Variants in NELL1 observed in about 807,000 individuals in gnomAD.
The protein encoded by NELL1 is protein kinase C-binding protein NELL1.
A neutral mutation model predicts 107.4 loss-of-function variants in NELL1; 76 were observed. The observed-to-expected ratio is 0.71, with a 90% confidence interval of 0.59 to 0.86. NELL1 has a LOEUF of 0.86. Among genes scored for constraint, NELL1 ranks in the 40% least tolerant of loss-of-function variants. The pLI is 0.00. For missense variants in NELL1, 1,024 were observed against 1,005.5 expected, an observed-to-expected ratio of 1.02 and a Z score of -0.25; for synonymous variants, 353 against 341.2, an observed-to-expected ratio of 1.03 and a Z score of -0.38.
At chr11:21,174,571 G>A (rs1360958313) in intron 13 of NELL1, among the ~76,000 whole-genome samples, 1 of 151,748 alleles carries the variant, frequency 6.6e-6, no homozygotes, top group East Asian at 1.9e-4. Context: ...CAATGAGGAT[G>A]GTGGAAAAAA....
In NELL1 at chr11:20,919,354, T is replaced by A. The variant is rs1362238090; in HGVS notation, c.759+20T>A. The A allele has an allele frequency of 1.4e-6, 2 of 1,423,410 alleles. No individual in the cohort carries two copies. The highest frequency in any genetic ancestry group is 2.4e-5 in the South Asian group (2 of 83,650). 88.2% of individuals were successfully genotyped at this position (1,423,410 alleles called of 1,614,324 possible). ...GCAAAAGTAGGTATCTAAATTTCATTTGTGATGTTTCATTTCTTTTTCTGT... is the reference window on the plus strand; with the variant it reads ...GCAAAAGTAGGTATCTAAATTTCATATGTGATGTTTCATTTCTTTTTCTGT... On this transcript the variant is annotated intron_variant, in intron 7 of 19. Coordinates refer to ENST00000357134, the MANE Select transcript of NELL1 (RefSeq NM_006157.5).
intron 15 of NELL1, among the ~76,000 whole-genome samples, chr11:21,472,175 GT>G: frequency 6.6e-6 from 1 of 151,876 alleles, no homozygotes; most frequent in East Asian, 1.9e-4. Flanking sequence ...TTGTTTGTTT[GT>G]TTGTTTTAAA....
chr11:20,757,796 C>CA (rs1856330538), intron 2 of NELL1, among the ~76,000 whole-genome samples: 1 of 152,146 alleles, frequency 6.6e-6, no homozygotes, highest in Non-Finnish European at 1.5e-5. Context: ...CCATGTTCTC[C>CA]TTTTTTTGCA....
chr11:20,970,084 C>CATCCATCCATCCATCT (rs1416873274), intron 12 of NELL1, among the ~76,000 whole-genome samples: 8 of 151,928 alleles, frequency 5.3e-5, no homozygotes, highest in Non-Finnish European at 1.0e-4. Context: ...TCCATCCATC[C>CATCCATCCATCCATCT]ATCCATCCAT....
intron 12 of NELL1, among the ~76,000 whole-genome samples, chr11:20,968,228 A>C (rs1851423977): frequency 6.6e-6 from 1 of 152,112 alleles, no homozygotes; most frequent in Non-Finnish European, 1.5e-5. Context: ...TTTCTGTTTA[A>C]AGTTTTATTA....
At chr11:21,043,770 G>A (rs1452387832) in intron 12 of NELL1, among the ~76,000 whole-genome samples, 1 of 152,102 alleles carries the variant, frequency 6.6e-6, no homozygotes, top group Non-Finnish European at 1.5e-5. Context: ...GAAGTTAAAT[G>A]CATGGTACTC....
At chr11:20,911,966 A>C (rs1348973669) in intron 5 of NELL1, among the ~76,000 whole-genome samples, 3 of 152,320 alleles carry the variant, frequency 2.0e-5, no homozygotes, top group African/African-American at 7.2e-5. Context: ...GGTGAGAGTC[A>C]GCATAGCTCC....
At chr11:21,281,919 C>T (rs1165420742) in intron 14 of NELL1, among the ~76,000 whole-genome samples, 4 of 152,176 alleles carry the variant, frequency 2.6e-5, no homozygotes, top group African/African-American at 9.7e-5. Context: ...AGGAAGTCTC[C>T]TGGATATTTG....
intron 3 of NELL1, among the ~76,000 whole-genome samples, chr11:20,795,792 A>T (rs1376106524): frequency 6.6e-6 from 1 of 151,722 alleles, no homozygotes; most frequent in African/African-American, 2.4e-5. Context: ...TTTTTTTTTT[A>T]AACAAAATTT....
intron 13 of NELL1, among the ~76,000 whole-genome samples, chr11:21,120,662 A>G (rs1290123176): frequency 6.6e-6 from 1 of 152,118 alleles, no homozygotes; most frequent in Non-Finnish European, 1.5e-5. Context: ...AGACTATTTT[A>G]CTTTAGTAAA....
chr11:21,169,826 G>T (rs141837851), intron 13 of NELL1: 1 of 1,410,080 alleles, frequency 7.1e-7, no homozygotes, highest in Non-Finnish European at 9.9e-7. Context: ...TGCTGAGCCC[G>T]ATGCAAGTGC....
chr11:21,051,380 A>T (rs1255675957), intron 12 of NELL1, among the ~76,000 whole-genome samples: 3 of 152,116 alleles, frequency 2.0e-5, no homozygotes, highest in East Asian at 3.9e-4. Context: ...TTTGGAACTC[A>T]GGAGAAATGG....
intron 15 of NELL1, among the ~76,000 whole-genome samples, chr11:21,508,902 CA>C (rs1401506809): frequency 6.6e-6 from 1 of 151,922 alleles, no homozygotes; most frequent in African/African-American, 2.4e-5. Flanking sequence ...ACATATACAA[CA>C]AAAAATGATG....
At chr11:20,796,893 T>C (rs1857179696) in intron 3 of NELL1, among the ~76,000 whole-genome samples, 2 of 151,918 alleles carry the variant, frequency 1.3e-5, no homozygotes, top group Admixed American at 1.3e-4. Flanking sequence ...ATATGTTAAA[T>C]AGAAGGATAA....
chr11:20,988,365 A>G (rs1446317172), intron 12 of NELL1, among the ~76,000 whole-genome samples: 1 of 151,688 alleles, frequency 6.6e-6, no homozygotes, highest in East Asian at 1.9e-4. Context: ...ATCTCTATAT[A>G]TACACACGTA....
intron 13 of NELL1, among the ~76,000 whole-genome samples, chr11:21,144,665 C>T (rs1318010869): frequency 1.3e-5 from 2 of 152,108 alleles, no homozygotes; most frequent in African/African-American, 4.8e-5. Flanking sequence ...CTGCTTTTAG[C>T]GTGACTGTCT....
intron 3 of NELL1, among the ~76,000 whole-genome samples, chr11:20,836,741 G>A (rs760710722): frequency 6.6e-6 from 1 of 151,676 alleles, no homozygotes; most frequent in Admixed American, 6.6e-5. Flanking sequence ...TCTGGAAAAA[G>A]CCAAAAAAAA....
At chr11:21,264,711 T>C (rs1848603139) in intron 14 of NELL1, among the ~76,000 whole-genome samples, 1 of 151,734 alleles carries the variant, frequency 6.6e-6, no homozygotes, top group African/African-American at 2.4e-5. Context: ...TGGGGAAAAC[T>C]CAGTGTATGG....
intron 12 of NELL1, among the ~76,000 whole-genome samples, chr11:21,027,261 TG>T (rs1266643087): frequency 1.3e-5 from 2 of 151,712 alleles, no homozygotes; most frequent in East Asian, 3.9e-4. Context: ...AGGGAGTTCC[TG>T]TGGTTAATCT....
Sources: gnomAD v4.1 joint callset for allele counts (sites outside exome capture counted in the v4.1 genomes callset) on GRCh38, gnomAD v4.1.1 for gene constraint, MANE v1.5 for transcripts, NCBI Gene and HGNC (gene_info 2026-07-23, HGNC 2026-07-21) for gene names.